The following BCHE variants were observed in gnomAD, a reference collection of about 807,000 sequenced individuals.
BCHE encodes the protein cholinesterase.
BCHE carries 48 observed loss-of-function variants against 51.3 expected under a neutral mutation model. The observed-to-expected ratio is 0.94, with a 90% CI of 0.74 to 1.19. BCHE has a LOEUF of 1.19. Ranked by LOEUF, BCHE falls within the 50% of genes most tolerant of loss-of-function variation. BCHE has a pLI of 0.00. For missense variants in BCHE, 847 were observed against 708.2 expected (o/e 1.20, Z -2.23); for synonymous variants, 251 against 238.0 (o/e 1.05, Z -0.50).
intron 3 of BCHE, among the ~76,000 whole-genome samples, chr3:165,779,787 T>C (rs544763963): frequency 4.6e-5 from 7 of 152,228 alleles, no homozygotes; most frequent in African/African-American, 1.2e-4. Flanking sequence ...GGAAAAACAT[T>C]TCATCCTCAT....
In BCHE at chr3:165,829,958, A is replaced by C. The variant is rs1714888135; in HGVS notation, c.1076T>G (p.Val359Gly). 1.2e-6 allele frequency: 2 copies of C among 1,613,756 alleles called. No homozygotes were observed. Among genetic ancestry groups the C allele is most frequent in the African/African-American group, 1.3e-5 (1 of 75,028 alleles). Residue 359 changes from valine (V) to glycine (G), a missense_variant, in exon 2 of 4, where the codon GTC becomes GGC. Coordinates refer to ENST00000264381, the MANE Select transcript of BCHE (RefSeq NM_000055.4). ...VNKDEGTAFL[V>G]YGAPGFSKDN... ...TTTGCTGAAGCCAGGAGCACCATAG[A>C]CTAAAAAAGCTGTCCCTTCATCTTT...
Position 165,830,198 on chromosome 3 carries a change from CCAGT to C in BCHE, c.832_835del (p.Thr278ValfsTer10), listed in dbSNP as rs757549524. The C allele has an allele frequency of 7.4e-6, 12 of 1,613,800 alleles. No individual in the cohort carries two copies. Among genetic ancestry groups the C allele is most frequent in the Non-Finnish European group, 1.0e-5 (12 of 1,179,914 alleles). On this transcript the variant is annotated frameshift_variant, in exon 2 of 4. Coordinates refer to ENST00000264381, the MANE Select transcript of BCHE (RefSeq NM_000055.4). LOFTEE classifies it high-confidence loss of function. ...TTCAGTCTCATTCTCTCTAGAGCAA[CCAGT>C]CAATTTAGCTAAGTTCAACGTTCTG...
chr3:165,782,045 T>G (rs1429372623), intron 3 of BCHE, among the ~76,000 whole-genome samples: 2 of 152,064 alleles, frequency 1.3e-5, no homozygotes, highest in Non-Finnish European at 2.9e-5. Flanking sequence ...GTATAAATTT[T>G]CAAAGCATAT....
At chr3:165,815,953 T>C (rs963415608) in intron 2 of BCHE, among the ~76,000 whole-genome samples, 38 of 152,102 alleles carry the variant, frequency 2.5e-4, no homozygotes, top group African/African-American at 7.2e-4. Context: ...CTCAGTTCTA[T>C]TGTAAGGTTA....
At chr3:165,816,122 G>A (rs952139271) in intron 2 of BCHE, among the ~76,000 whole-genome samples, 1 of 151,452 alleles carries the variant, frequency 6.6e-6, no homozygotes. Context: ...AGAAACATTT[G>A]TCATACTTTT....
chr3:165,800,573 A>G (rs963565037), intron 2 of BCHE, among the ~76,000 whole-genome samples: 10 of 152,124 alleles, frequency 6.6e-5, no homozygotes, highest in Non-Finnish European at 1.5e-4. Flanking sequence ...TTGACACCAG[A>G]TGTATTCACT....
At chr3:165,773,644 T>C (rs1222150304) in intron 3 of BCHE, 138 bp from the exon 4 acceptor site, 6 of 670,128 alleles carry the variant, frequency 9.0e-6, no homozygotes, top group Non-Finnish European at 1.4e-5. Flanking sequence ...TTATTATTTG[T>C]TATTAGCTCG....
intron 3 of BCHE, among the ~76,000 whole-genome samples, chr3:165,773,891 T>C: frequency 6.6e-6 from 1 of 152,082 alleles, no homozygotes; most frequent in Non-Finnish European, 1.5e-5. Flanking sequence ...CTCATTTACA[T>C]ATATAGTTAT....
At chr3:165,827,352 T>G (rs2108232715) in intron 2 of BCHE, among the ~76,000 whole-genome samples, 1 of 152,078 alleles carries the variant, frequency 6.6e-6, no homozygotes, top group East Asian at 1.9e-4. Context: ...TAGCTTATGA[T>G]CTCCATGACA....
intron 2 of BCHE, among the ~76,000 whole-genome samples, chr3:165,809,446 T>C (rs999727169): frequency 4.6e-5 from 7 of 152,166 alleles, no homozygotes; most frequent in Non-Finnish European, 7.4e-5. Flanking sequence ...ACTTATTGTA[T>C]ACTTTTAATG....
chr3:165,786,977 T>C (rs937919466), intron 2 of BCHE, among the ~76,000 whole-genome samples: 5 of 151,798 alleles, frequency 3.3e-5, no homozygotes, highest in Admixed American at 6.6e-5. Flanking sequence ...ACCCAGCCAA[T>C]AGGAGTTAGG....
intron 2 of BCHE, 44 bp downstream of exon 2, chr3:165,829,473 G>A: frequency 3.3e-6 from 5 of 1,529,880 alleles, no homozygotes; most frequent in Middle Eastern, 1.7e-4. Context: ...TAAGCAAAAC[G>A]GATCAAACCA....
intron 2 of BCHE, among the ~76,000 whole-genome samples, chr3:165,800,117 T>A (rs1038449222): frequency 6.6e-6 from 1 of 152,124 alleles, no homozygotes; most frequent in Non-Finnish European, 1.5e-5. Flanking sequence ...TCCTCCAAAA[T>A]TTTTTTTCTG....
At position 165,830,861 on chromosome 3, in the gene BCHE, C is replaced by A. The variant is rs1044666393; in HGVS notation, c.173G>T (p.Gly58Val). The change falls in exon 2 of 4, where the codon GGA becomes GTA. Residue 58 changes from glycine (G) to valine (V), a missense_variant. Physicochemically the swap from Gly to Val is moderately radical, Grantham distance 109. Coordinates refer to ENST00000264381, the MANE Select transcript of BCHE (RefSeq NM_000055.4). ...AAGAGGTGGCTGTGCATAGGGAATT[C>A]CAAGAAAGGCTGTTACCGTGCCACC... Reference protein sequence around the residue: ...VFGGTVTAFLGIPYAQPPLGR... With the variant: ...VFGGTVTAFLVIPYAQPPLGR... 3.7e-6 allele frequency: 6 copies of A among 1,613,896 alleles called. No homozygotes were observed. The South Asian group carries it at 5.5e-5, about 15-fold the overall frequency.
At chr3:165,788,493 G>T (rs190070592) in intron 2 of BCHE, among the ~76,000 whole-genome samples, 6 of 152,222 alleles carry the variant, frequency 3.9e-5, no homozygotes, top group South Asian at 4.1e-4. Flanking sequence ...TGGCACAATT[G>T]TCTAGGTAAA....
In BCHE at chr3:165,829,857, C is replaced by G. The variant is rs115129687; in HGVS notation, c.1177G>C (p.Gly393Arg). The G allele has an allele frequency of 7.3e-5, 117 of 1,612,598 alleles. No homozygotes were observed. In the East Asian group the frequency reaches 2.1e-3, roughly 29 times the overall value. Residue 393 changes from glycine (G) to arginine (R), a missense_variant, in exon 2 of 4, where the codon GGA becomes CGA. Transcript: ENST00000264381. The part of the protein sequence containing the change: ...KIFFPGVSEF[G>R]KESILFHYTD... The stretch of plus-strand genomic sequence containing the variant: ...TAATGAAAAAGGATGGATTCCTTTC[C>G]AAACTCACTCACTCCTGGAAAAAAT...
At chr3:165,822,793 C>T (rs1195734432) in intron 2 of BCHE, among the ~76,000 whole-genome samples, 1 of 152,018 alleles carries the variant, frequency 6.6e-6, no homozygotes, top group Non-Finnish European at 1.5e-5. Context: ...TTACATTTGG[C>T]ATATTTTCCT....
chr3:165,807,541 TA>T (rs1310382470), intron 2 of BCHE, among the ~76,000 whole-genome samples: 14 of 151,282 alleles, frequency 9.3e-5, no homozygotes, highest in African/African-American at 3.4e-4. Flanking sequence ...TTTATTTATT[TA>T]TTTATTTTTA....
chr3:165,786,105 C>T, intron 3 of BCHE, 40 bp downstream of exon 3: 2 of 1,584,102 alleles, frequency 1.3e-6, no homozygotes, highest in South Asian at 2.2e-5. Context: ...TTACATAACC[C>T]ATCATCTATT....
Sources: allele counts gnomAD v4.1 joint callset (sites outside exome capture counted in the v4.1 genomes callset), GRCh38; gene constraint gnomAD v4.1.1; transcripts MANE v1.5; gene names NCBI Gene and HGNC (gene_info 2026-07-23, HGNC 2026-07-21).